UCK2: variants seen among roughly 807,000 people sequenced by gnomAD.
UCK2 encodes the protein uridine-cytidine kinase 2.
Under a neutral mutation model 30.8 loss-of-function variants are expected in UCK2, and 6 were observed. The ratio of observed to expected loss-of-function variants is 0.19; its 90% CI spans 0.11 to 0.38. The LOEUF (loss-of-function observed/expected upper bound fraction) is 0.38, where lower values mean the gene tolerates loss of function less well. Among genes scored for constraint, UCK2 ranks in the 10% least tolerant of loss-of-function variants. UCK2 has a pLI of 1.00. For synonymous variants in UCK2, 125 were observed against 133.6 expected, an observed-to-expected ratio of 0.94 and a Z score of 0.45; for missense variants, 210 against 339.8, an observed-to-expected ratio of 0.62 and a Z score of 3.00.
chr1:165,834,905 G>A (rs552173112), intron 1 of UCK2, among the ~76,000 whole-genome samples: 7 of 152,102 alleles, frequency 4.6e-5, no homozygotes, highest in Non-Finnish European at 8.8e-5. Context: ...TGCCTGGTAC[G>A]TACATGGCAG....
intron 4 of UCK2, among the ~76,000 whole-genome samples, chr1:165,897,824 G>T (rs574429278): frequency 2.0e-5 from 3 of 152,156 alleles, no homozygotes; most frequent in Non-Finnish European, 2.9e-5. Flanking sequence ...CTCCCAGGTG[G>T]GGTGAGGGAC....
intron 4 of UCK2, chr1:165,897,938 G>A (rs1269159286): frequency 6.6e-6 from 1 of 152,170 alleles, no homozygotes; most frequent in African/African-American, 2.4e-5. Flanking sequence ...GCGACACCCC[G>A]GCTTGGGTTT....
At position 165,907,932 on chromosome 1, in the gene UCK2, A is replaced by G; in HGVS notation, c.*109A>G. On this transcript the variant is annotated 3_prime_UTR_variant, in exon 7 of 7. Transcript: ENST00000367879. ...CTATGACATTACTGTATTTAAGAAA[A>G]CACCATGGAGATGAAATGCCTTTGA... 12 of 1,404,838 alleles carry G rather than the reference A, an allele frequency of 8.5e-6. No homozygotes were observed. The highest frequency in any genetic ancestry group is 1.0e-5 in the Non-Finnish European group (11 of 1,058,412). The allele number at this position is 1,404,838 out of a possible 1,614,324, so 87.0% of individuals were successfully genotyped here.
chr1:165,840,586 G>A (rs1328949951), intron 1 of UCK2, among the ~76,000 whole-genome samples: 5 of 152,200 alleles, frequency 3.3e-5, no homozygotes, highest in Non-Finnish European at 7.3e-5. Context: ...GGCATTGATA[G>A]TGATAAGGAG....
At chr1:165,832,986 T>C (rs1374604956) in intron 1 of UCK2, among the ~76,000 whole-genome samples, 1 of 151,974 alleles carries the variant, frequency 6.6e-6, no homozygotes, top group Non-Finnish European at 1.5e-5. Flanking sequence ...TGTGTGACCA[T>C]TATAGGATAA....
intron 1 of UCK2, among the ~76,000 whole-genome samples, chr1:165,839,971 G>C (rs951968989): frequency 6.6e-6 from 1 of 152,230 alleles, no homozygotes; most frequent in African/African-American, 2.4e-5. Context: ...TGCTGCCCAG[G>C]CTGGAGTGTG....
chr1:165,836,082 G>A lies in UCK2; in HGVS notation c.99+8150G>A, dbSNP rs1308560443. ...CGTCTCTACTAAAATACAAAAATTA[G>A]CTGGGCATGGTGGCTGGTGCCTGTA... is the stretch of plus-strand genomic sequence containing the variant. On this transcript the variant is annotated intron_variant, in intron 1 of 6. Transcript: ENST00000367879. 2.6e-5 allele frequency among the ~76,000 whole-genome samples: 4 copies of A among 152,088 alleles called. 1 individual carries two copies. Among genetic ancestry groups the A allele is most frequent in the Admixed American group, 2.6e-4 (4 of 15,268 alleles).
intron 1 of UCK2, among the ~76,000 whole-genome samples, chr1:165,832,141 G>A (rs887457337): frequency 6.6e-6 from 1 of 152,146 alleles, no homozygotes; most frequent in African/African-American, 2.4e-5. Flanking sequence ...TTGCTCAGTG[G>A]TCTTCTTTTT....
At chr1:165,881,316 C>T (rs1016674434) in intron 1 of UCK2, among the ~76,000 whole-genome samples, 1 of 150,818 alleles carries the variant, frequency 6.6e-6, no homozygotes, top group Non-Finnish European at 1.5e-5. Context: ...AGTATTTGTA[C>T]TATATTCTCC....
chr1:165,892,651 C>T (rs954763441), intron 3 of UCK2: 1 of 152,140 alleles, frequency 6.6e-6, no homozygotes, highest in Admixed American at 6.5e-5. Context: ...GGTGGTGTCA[C>T]GTTGACAAGA....
rs775209035 is a variant in UCK2 at position 165,907,850 on chromosome 1, A to G, written c.*27A>G. On this transcript the variant is annotated 3_prime_UTR_variant, in exon 7 of 7. Transcript: ENST00000367879. ...CCGTCTCCATCGGACCCCAGCCCCT[A>G]TCTCCAAGAGACAGAGGAGGGGTCA... 3.5e-5 allele frequency: 57 copies of G among 1,611,790 alleles called. No homozygotes were observed. The highest frequency in any genetic ancestry group is 4.6e-5 in the Non-Finnish European group (54 of 1,178,806).
At chr1:165,836,482 T>C (rs1313972332) in intron 1 of UCK2, among the ~76,000 whole-genome samples, 1 of 152,222 alleles carries the variant, frequency 6.6e-6, no homozygotes, top group African/African-American at 2.4e-5. Context: ...TTTTTACCTT[T>C]AAAATTATAT....
chr1:165,866,584 ATGT>A (rs1478541648), intron 1 of UCK2, among the ~76,000 whole-genome samples: 3 of 152,226 alleles, frequency 2.0e-5, no homozygotes, highest in African/African-American at 7.2e-5. Flanking sequence ...TGACATGCTC[ATGT>A]TGTTATACAA....
chr1:165,835,955 G>A (rs1173300248), intron 1 of UCK2, among the ~76,000 whole-genome samples: 5 of 152,122 alleles, frequency 3.3e-5, no homozygotes, highest in African/African-American at 4.8e-5. Flanking sequence ...ACTGCCGGGC[G>A]CGGTGGCTCA....
intron 1 of UCK2, among the ~76,000 whole-genome samples, chr1:165,844,936 A>C (rs1409097042): frequency 2.0e-5 from 3 of 152,180 alleles, no homozygotes; most frequent in Non-Finnish European, 4.4e-5. Context: ...CTTTATAATA[A>C]ATTGTTCCCT....
intron 1 of UCK2, among the ~76,000 whole-genome samples, chr1:165,867,005 G>A (rs1311356642): frequency 3.3e-5 from 5 of 152,272 alleles, no homozygotes; most frequent in Admixed American, 1.3e-4. Context: ...GCAGACCACG[G>A]CAATAAAGTG....
At chr1:165,845,220 T>C (rs1383326805) in intron 1 of UCK2, among the ~76,000 whole-genome samples, 1 of 152,094 alleles carries the variant, frequency 6.6e-6, no homozygotes, top group Non-Finnish European at 1.5e-5. Context: ...GATGAATTGA[T>C]TGGTTGCTGG....
At chr1:165,850,070 TTAGATCTAAGTTGA>T (rs1438891230) in intron 1 of UCK2, among the ~76,000 whole-genome samples, 1 of 152,194 alleles carries the variant, frequency 6.6e-6, no homozygotes, top group Non-Finnish European at 1.5e-5. Context: ...GACACCTTCC[TTAGATCTAAGTTGA>T]GGAGACTGAA....
At chr1:165,889,954 G>C (rs1655724348) in intron 1 of UCK2, among the ~76,000 whole-genome samples, 1 of 151,998 alleles carries the variant, frequency 6.6e-6, no homozygotes, top group South Asian at 2.1e-4. Flanking sequence ...TTGGTTTTCT[G>C]TTCCTGTGTT....
Sources: allele counts gnomAD v4.1 joint callset (sites outside exome capture counted in the v4.1 genomes callset), GRCh38; gene constraint gnomAD v4.1.1; transcripts MANE v1.5; gene names NCBI Gene and HGNC (gene_info 2026-07-23, HGNC 2026-07-21).